Variants in LPP observed in about 807,000 individuals in gnomAD.
LPP encodes the protein LIM domain containing preferred translocation partner in lipoma.
LPP carries 38 observed loss-of-function variants against 60.4 expected under a neutral mutation model. The observed-to-expected ratio is 0.63, with a 90% CI of 0.49 to 0.83. The LOEUF (loss-of-function observed/expected upper bound fraction) is 0.83. LPP is among the 40% of genes least tolerant of loss of function. The probability of loss-of-function intolerance (pLI) is 0.00; values close to 1 mark genes in which losing one functional copy is unlikely to be tolerated. For missense variants in LPP, 902 were observed against 783.6 expected, an observed-to-expected ratio of 1.15 and a Z score of -1.80; for synonymous variants, 328 against 290.8, an observed-to-expected ratio of 1.13 and a Z score of -1.30.
At chr3:188,245,796 C>A (rs1020728743) in intron 2 of LPP, among the ~76,000 whole-genome samples, 5 of 152,080 alleles carry the variant, frequency 3.3e-5, no homozygotes, top group Admixed American at 1.3e-4. Flanking sequence ...CCCACCTCGG[C>A]CTTCCAAAGT....
intron 2 of LPP, among the ~76,000 whole-genome samples, chr3:188,290,549 G>C (rs1413227406): frequency 6.6e-6 from 1 of 152,114 alleles, no homozygotes; most frequent in Non-Finnish European, 1.5e-5. Flanking sequence ...CAGCCACCGA[G>C]AAGGACAGGT....
At chr3:188,872,024 G>A (rs1768233316) in intron 10 of LPP, among the ~76,000 whole-genome samples, 1 of 152,096 alleles carries the variant, frequency 6.6e-6, no homozygotes, top group Non-Finnish European at 1.5e-5. Context: ...TAATTTTTAA[G>A]CAAAAGTTTA....
rs1308155642 is a variant in LPP at position 188,878,234 on chromosome 3, G to A, written c.*3755G>A. The A allele has an allele frequency of 4.6e-6, 1 of 218,126 alleles. No homozygotes were observed. Among genetic ancestry groups the A allele is most frequent in the Non-Finnish European group, 9.2e-6 (1 of 108,432 alleles). 13.5% of individuals were successfully genotyped at this position (218,126 alleles called of 1,614,324 possible). On this transcript the variant is annotated 3_prime_UTR_variant, in exon 12 of 12. Coordinates refer to ENST00000617246, the MANE Select transcript of LPP (RefSeq NM_001375462.1). Reference sequence around the variant, plus strand: ...TTTGGGCTTCTCTTGTCAAATCTGTGTCGGCTGCCCCCTGATCCTTCCATT... The same window carrying A: ...TTTGGGCTTCTCTTGTCAAATCTGTATCGGCTGCCCCCTGATCCTTCCATT...
chr3:188,222,058 T>C (rs1249920788), intron 1 of LPP, among the ~76,000 whole-genome samples: 1 of 152,182 alleles, frequency 6.6e-6, no homozygotes, highest in East Asian at 1.9e-4. Flanking sequence ...AAATTTTTCT[T>C]ATGGTTGATG....
At chr3:188,676,030 G>T (rs1381596747) in intron 7 of LPP, among the ~76,000 whole-genome samples, 1 of 152,112 alleles carries the variant, frequency 6.6e-6, no homozygotes, top group Non-Finnish European at 1.5e-5. Flanking sequence ...TACTGGAAAT[G>T]AAAGATTACT....
At chr3:188,249,880 A>C (rs930443975) in intron 2 of LPP, among the ~76,000 whole-genome samples, 128 of 88,348 alleles carry the variant, frequency 1.4e-3, no homozygotes, top group African/African-American at 1.9e-3. Context: ...AGTCTCCCCC[A>C]CCCCATATAT....
intron 3 of LPP, among the ~76,000 whole-genome samples, chr3:188,358,212 C>A (rs1319708711): frequency 6.6e-6 from 1 of 152,110 alleles, no homozygotes; most frequent in Non-Finnish European, 1.5e-5. Context: ...ACATAATTTG[C>A]CCAAGGTTAC....
intron 3 of LPP, among the ~76,000 whole-genome samples, chr3:188,389,820 G>GAAAAAAAAAAAGA (rs376697615): frequency 8.7e-6 from 1 of 114,608 alleles, no homozygotes; most frequent in African/African-American, 3.4e-5. Context: ...AAAAAAAAAA[G>GAAAAAAAAAAAGA]AAAAGAAAAA....
chr3:188,814,025 T>C (rs945935643), intron 9 of LPP, among the ~76,000 whole-genome samples: 16 of 151,990 alleles, frequency 1.1e-4, no homozygotes, highest in African/African-American at 3.6e-4. Context: ...TGAGCCGAGA[T>C]TGTGCCACTG....
intron 7 of LPP, among the ~76,000 whole-genome samples, chr3:188,648,087 A>C (rs991386264): frequency 6.6e-6 from 1 of 152,186 alleles, no homozygotes; most frequent in African/African-American, 2.4e-5. Context: ...TAAATAGGAA[A>C]ATTTTAATGG....
At chr3:188,776,828 A>G (rs1384964963) in intron 9 of LPP, among the ~76,000 whole-genome samples, 3 of 152,226 alleles carry the variant, frequency 2.0e-5, no homozygotes, top group African/African-American at 4.8e-5. Flanking sequence ...CAGATAGTCA[A>G]CTGAAGCCCT....
At chr3:188,456,443 G>A (rs951624293) in intron 4 of LPP, among the ~76,000 whole-genome samples, 1 of 152,194 alleles carries the variant, frequency 6.6e-6, no homozygotes, top group Non-Finnish European at 1.5e-5. Flanking sequence ...AGAAACACAG[G>A]TATGTTACTA....
intron 1 of LPP, among the ~76,000 whole-genome samples, chr3:188,198,294 A>G (rs1730100436): frequency 1.3e-5 from 2 of 152,182 alleles, no homozygotes; most frequent in South Asian, 4.1e-4. Context: ...CTCCTAAACA[A>G]TATACCTTAT....
At chr3:188,760,830 A>T (rs959304308) in intron 9 of LPP, among the ~76,000 whole-genome samples, 4 of 152,218 alleles carry the variant, frequency 2.6e-5, no homozygotes, top group African/African-American at 9.6e-5. Flanking sequence ...ACTGTTTATT[A>T]TAAAGCACCT....
intron 7 of LPP, among the ~76,000 whole-genome samples, chr3:188,669,378 C>T (rs1016797328): frequency 1.3e-4 from 20 of 152,148 alleles, no homozygotes; most frequent in East Asian, 1.9e-4. Context: ...AGATCGAGAC[C>T]ATCCTGACTA....
At chr3:188,732,716 C>CA (rs1167795146) in intron 8 of LPP, among the ~76,000 whole-genome samples, 12,666 of 74,112 alleles carry the variant, frequency 0.17, 1,402 homozygotes, top group East Asian at 0.27. Flanking sequence ...AGACTCTTAT[C>CA]AAAAAAAAAA....
intron 2 of LPP, among the ~76,000 whole-genome samples, chr3:188,314,249 T>C (rs1191582501): frequency 6.6e-6 from 1 of 152,172 alleles, no homozygotes; most frequent in Non-Finnish European, 1.5e-5. Context: ...ATTTGAGAAA[T>C]GTATTGTGTT....
At chr3:188,539,287 A>G (rs1176477996) in intron 6 of LPP, among the ~76,000 whole-genome samples, 4 of 152,210 alleles carry the variant, frequency 2.6e-5, no homozygotes, top group Non-Finnish European at 4.4e-5. Context: ...GGAAAAATGC[A>G]ATCTAACAGT....
chr3:188,333,837 A>C (rs927022981), intron 2 of LPP, among the ~76,000 whole-genome samples: 1 of 152,218 alleles, frequency 6.6e-6, no homozygotes, highest in Non-Finnish European at 1.5e-5. Flanking sequence ...GGTATTTAGC[A>C]TATTCATCAC....
Sources: gnomAD v4.1 joint callset for allele counts (sites outside exome capture counted in the v4.1 genomes callset) on GRCh38, gnomAD v4.1.1 for gene constraint, MANE v1.5 for transcripts, NCBI Gene and HGNC (gene_info 2026-07-23, HGNC 2026-07-21) for gene names.